Variants in KIAA1549 observed in about 807,000 individuals in gnomAD.
KIAA1549 encodes the protein KIAA1549.
Under a neutral mutation model 156.4 loss-of-function variants are expected in KIAA1549, and 70 were observed. That is an observed-to-expected ratio of 0.45 (90% CI 0.37 to 0.55). The LOEUF (loss-of-function observed/expected upper bound fraction) is 0.55. KIAA1549 is among the 20% of genes least tolerant of loss of function. KIAA1549 has a pLI of 0.00. For synonymous variants in KIAA1549, 1,103 were observed against 1,066.4 expected, an observed-to-expected ratio of 1.03 and a Z score of -0.67; for missense variants, 2,428 against 2,540.9, an observed-to-expected ratio of 0.96 and a Z score of 0.96.
intron 1 of KIAA1549, among the ~76,000 whole-genome samples, chr7:138,940,757 G>A (rs1348462753): frequency 1.3e-5 from 2 of 152,176 alleles, no homozygotes; most frequent in African/African-American, 4.8e-5. Flanking sequence ...GCATTTCTCT[G>A]ATGGCCAGTG....
intron 16 of KIAA1549, among the ~76,000 whole-genome samples, chr7:138,855,344 C>T (rs2130355324): frequency 6.6e-6 from 1 of 152,314 alleles, no homozygotes; most frequent in South Asian, 2.1e-4. Flanking sequence ...ACCAGTGAAC[C>T]ACATTTTACC....
chr7:138,883,419 T>G (rs1259821690), intron 10 of KIAA1549, among the ~76,000 whole-genome samples: 1 of 151,598 alleles, frequency 6.6e-6, no homozygotes, highest in Non-Finnish European at 1.5e-5. Flanking sequence ...TTCAAGTGAT[T>G]CTCCTGCCTC....
At chr7:138,861,682 C>T (rs1265412166) in intron 15 of KIAA1549, among the ~76,000 whole-genome samples, 3 of 149,104 alleles carry the variant, frequency 2.0e-5, no homozygotes, top group African/African-American at 7.4e-5. Context: ...TGAGACCCCC[C>T]CCATCTCTAA....
In KIAA1549 at chr7:138,881,449, T is replaced by C; in HGVS notation, c.4168A>G (p.Asn1390Asp). Residue 1390 changes from asparagine (N) to aspartate (D), a missense_variant, in exon 11 of 20, where the codon AAT (asparagine) becomes GAT (aspartate). By Grantham distance (23) the Asn-to-Asp change is conservative. Transcript: ENST00000422774. ...PLKDHTTPSE[N>D]GDVPSPKSKI... is the part of the protein sequence containing the mutation. ...GACTTGGGGCTTGGCACGTCTCCAT[T>C]TTCCGAGGGCGTGGTGTGGTCCTTC... The C allele has an allele frequency of 6.2e-7, 1 of 1,614,036 alleles. No homozygotes were observed. Among genetic ancestry groups the C allele is most frequent in the Non-Finnish European group, 8.5e-7 (1 of 1,179,894 alleles).
intron 7 of KIAA1549, 99 bp from the exon 8 acceptor site, chr7:138,903,835 GT>G: frequency 3.3e-6 from 2 of 598,010 alleles, no homozygotes; most frequent in Admixed American, 4.0e-5. Context: ...GTGTGTGTGT[GT>G]GTGTGTGTGT....
chr7:138,918,961 T>C lies in KIAA1549; in HGVS notation c.665A>G (p.Tyr222Cys), dbSNP rs762883971. The C allele has an allele frequency of 5.0e-6, 8 of 1,614,054 alleles. No homozygotes were observed. The South Asian group carries it at 6.6e-5, about 13-fold the overall frequency. Residue 222 changes from tyrosine to cysteine, a missense_variant, in exon 2 of 20, where the codon TAT becomes TGT. By Grantham distance (194) the Tyr-to-Cys change is radical. Coordinates refer to ENST00000422774, the MANE Select transcript of KIAA1549 (RefSeq NM_001164665.2). The surrounding 1 kb of genome is among the most constrained non-coding windows in gnomAD (Gnocchi z 4.2). ...WQNTTRQPAA[Y>C]AESASHFHTF... is the part of the protein sequence containing the mutation. ...GTGGAAATGACTGGCGGACTCAGCA[T>C]ATGCCGCTGGTTGTCGCGTTGTGTT...
At chr7:138,879,788 T>C (rs768249880) in intron 11 of KIAA1549, 135 bp from the exon 12 acceptor site, 4 of 613,656 alleles carry the variant, frequency 6.5e-6, no homozygotes, top group Non-Finnish European at 1.2e-5. Flanking sequence ...AATTATTCCA[T>C]AGCACAGCGT....
rs750143457 is a variant in KIAA1549 at position 138,918,132 on chromosome 7, C to T, written c.1494G>A (p.Met498Ile). The stretch of plus-strand genomic sequence containing the variant: ...TGCCAACACTCGTCTCTGAGATTTC[C>T]ATGGATCTAGAAGAAAGTGGGACGA... Reference protein sequence around the residue: ...RPIVPLSSRSMEISETSVGIS... With the variant: ...RPIVPLSSRSIEISETSVGIS... Residue 498 changes from methionine to isoleucine, a missense_variant, in exon 2 of 20, where the codon ATG becomes ATA. Met to Ile is a conservative substitution (Grantham distance 10). Coordinates refer to ENST00000422774, the MANE Select transcript of KIAA1549 (RefSeq NM_001164665.2). The surrounding 1 kb of genome is among the most constrained non-coding windows in gnomAD (Gnocchi z 4.2). The T allele has an allele frequency of 1.3e-5, 21 of 1,613,840 alleles. No homozygotes were observed. Among genetic ancestry groups the T allele is most frequent in the Non-Finnish European group, 1.7e-5 (20 of 1,179,892 alleles).
At chr7:138,862,331 T>C (rs554771667) in intron 15 of KIAA1549, among the ~76,000 whole-genome samples, 2 of 151,750 alleles carry the variant, frequency 1.3e-5, no homozygotes, top group Non-Finnish European at 2.9e-5. Flanking sequence ...AAGACCCCCA[T>C]CTTTACAAAA....
intron 4 of KIAA1549, among the ~76,000 whole-genome samples, chr7:138,909,914 T>C (rs1812119071): frequency 6.6e-6 from 1 of 152,082 alleles, no homozygotes. Flanking sequence ...GCCATTGCAC[T>C]CTAGCCTGAG....
chr7:138,947,368 A>T (rs1003826587), intron 1 of KIAA1549, among the ~76,000 whole-genome samples: 2 of 152,156 alleles, frequency 1.3e-5, no homozygotes, highest in African/African-American at 4.8e-5. Flanking sequence ...GAAGCTACAG[A>T]GGCTGAAAAA....
intron 1 of KIAA1549, among the ~76,000 whole-genome samples, chr7:138,956,310 T>C (rs1227801406): frequency 6.6e-6 from 1 of 152,052 alleles, no homozygotes; most frequent in Admixed American, 6.6e-5. Context: ...AGAAAGCAGC[T>C]AAGGGGAAGA....
chr7:138,843,917 TTGAGA>T (rs987817219), intron 18 of KIAA1549, among the ~76,000 whole-genome samples: 52 of 152,344 alleles, frequency 3.4e-4, no homozygotes, highest in African/African-American at 9.4e-4. Flanking sequence ...TTGTTTTGTT[TTGAGA>T]TAAGAGTTTT....
chr7:138,832,101 C>T lies in KIAA1549; in HGVS notation c.*5805G>A. On this transcript the variant is annotated 3_prime_UTR_variant, in exon 20 of 20. Transcript: ENST00000422774. Reference sequence around the variant, plus strand: ...AGTACAGGAAAGACTATTCGTGATGCTCCAAGTAGCCCAGAAAGGTTCTGT... The same window carrying T: ...AGTACAGGAAAGACTATTCGTGATGTTCCAAGTAGCCCAGAAAGGTTCTGT... 4.4e-6 allele frequency: 1 copy of T among 228,938 alleles called. No homozygotes were observed. Among genetic ancestry groups the T allele is most frequent in the Non-Finnish European group, 8.7e-6 (1 of 115,498 alleles). 14.2% of individuals were successfully genotyped at this position (228,938 alleles called of 1,614,324 possible). A position where few individuals can be genotyped will look rare whatever the true frequency, so the allele number is the denominator to read the frequency against.
rs960875938 is a variant in KIAA1549 at position 138,844,420 on chromosome 7, A to T, written c.5349T>A (p.Pro1783=). ...CTTCGGCGGAGGCCTGTGGCTGCTG[A>T]GGGTCAGGGGGCACCAGCTCTGTAG... ...LQSTELVPPD[P]QQPQASAEAP... is the part of the protein sequence containing the mutation. Residue 1783 remains proline (P), a synonymous_variant, in exon 18 of 20, where the codon CCT becomes CCA. Transcript: ENST00000422774. 1 of 1,596,700 alleles carries T rather than the reference A, an allele frequency of 6.3e-7. No individual in the cohort carries two copies. The highest frequency in any genetic ancestry group is 8.5e-7 in the Non-Finnish European group (1 of 1,171,646).
At chr7:138,937,175 A>G (rs1477588550) in intron 1 of KIAA1549, among the ~76,000 whole-genome samples, 1 of 146,680 alleles carries the variant, frequency 6.8e-6, no homozygotes, top group South Asian at 2.2e-4. Flanking sequence ...GTGCTCTCTG[A>G]CCACCATGCC....
chr7:138,868,397 G>A (rs1057198846), intron 14 of KIAA1549, among the ~76,000 whole-genome samples: 2 of 152,166 alleles, frequency 1.3e-5, no homozygotes, highest in Non-Finnish European at 2.9e-5. Context: ...GGAGCTATTA[G>A]TCCCATGGGG....
In KIAA1549 at chr7:138,917,892, T is replaced by G. The variant is rs1450351548; in HGVS notation, c.1734A>C (p.Thr578=). 1.2e-6 allele frequency: 2 copies of G among 1,602,628 alleles called. No individual in the cohort carries two copies. The highest frequency in any genetic ancestry group is 1.7e-6 in the Non-Finnish European group (2 of 1,174,788). ...TCGGGTCTCTGACGGCAAGCGACGGTGTGTTTTTGTTTGCTATGACAGAGA... is the reference window on the plus strand; with the variant it reads ...TCGGGTCTCTGACGGCAAGCGACGGGGTGTTTTTGTTTGCTATGACAGAGA... ...SSFSVIANKN[T]PSLAVRDPSV... is the part of the protein sequence containing the mutation. The change falls in exon 2 of 20, where the codon ACA becomes ACC. Residue 578 remains threonine, a synonymous_variant. Coordinates refer to ENST00000422774, the MANE Select transcript of KIAA1549 (RefSeq NM_001164665.2).
At chr7:138,893,220 A>C (rs1375727137) in intron 10 of KIAA1549, among the ~76,000 whole-genome samples, 1 of 152,250 alleles carries the variant, frequency 6.6e-6, no homozygotes, top group East Asian at 1.9e-4. Flanking sequence ...TTGGAAAGAC[A>C]TAGGAAAGAG....
Sources: allele counts gnomAD v4.1 joint callset (sites outside exome capture counted in the v4.1 genomes callset), GRCh38; gene constraint gnomAD v4.1.1; non-coding constraint Gnocchi (gnomAD v3.1); transcripts MANE v1.5; gene names NCBI Gene and HGNC (gene_info 2026-07-23, HGNC 2026-07-21).